Variants in LPP observed in about 807,000 individuals in gnomAD.
LPP encodes the protein LIM domain containing preferred translocation partner in lipoma.
A neutral mutation model predicts 60.4 loss-of-function variants in LPP; 38 were observed. The ratio of observed to expected loss-of-function variants is 0.63; its 90% CI spans 0.49 to 0.83. The LOEUF (loss-of-function observed/expected upper bound fraction) is 0.83. LPP is among the 40% of genes least tolerant of loss of function. The pLI, the probability that LPP is intolerant of heterozygous loss-of-function variation, is 0.00. For synonymous variants in LPP, 328 were observed against 290.8 expected (o/e 1.13, Z -1.30); for missense variants, 902 against 783.6 (o/e 1.15, Z -1.80).
At chr3:188,650,936 C>T (rs1276992447) in intron 7 of LPP, among the ~76,000 whole-genome samples, 1 of 152,148 alleles carries the variant, frequency 6.6e-6, no homozygotes, top group Non-Finnish European at 1.5e-5. Flanking sequence ...GACCCACAAA[C>T]TTTGCAATAT....
intron 4 of LPP, among the ~76,000 whole-genome samples, chr3:188,475,904 A>AAAAC (rs1017816372): frequency 3.3e-5 from 5 of 152,212 alleles, no homozygotes; most frequent in African/African-American, 1.2e-4. Flanking sequence ...CTCTGTCTCA[A>AAAAC]AAACAAACAA....
chr3:188,252,031 GAT>G (rs10579787), intron 2 of LPP, among the ~76,000 whole-genome samples: 3,835 of 40,618 alleles, frequency 0.094, 163 homozygotes, highest in East Asian at 0.13. Flanking sequence ...TTTTAATCCT[GAT>G]ATATATATAT....
intron 6 of LPP, among the ~76,000 whole-genome samples, chr3:188,590,023 G>T (rs951025658): frequency 2.0e-5 from 3 of 152,116 alleles, no homozygotes; most frequent in African/African-American, 7.2e-5. Context: ...GCACTCTTTC[G>T]TATACTTAAG....
intron 9 of LPP, among the ~76,000 whole-genome samples, chr3:188,790,144 G>A (rs982606028): frequency 2.0e-5 from 3 of 152,090 alleles, no homozygotes; most frequent in African/African-American, 7.2e-5. Context: ...AAAAGGACTA[G>A]TAAAATAAAG....
At chr3:188,568,893 G>C (rs900910828) in intron 6 of LPP, 1 of 152,094 alleles carries the variant, frequency 6.6e-6, no homozygotes, top group African/African-American at 2.4e-5. Flanking sequence ...GGCCTGAAGG[G>C]TGGAGAGGGG....
intron 1 of LPP, chr3:188,179,383 G>C (rs977055226): frequency 7.2e-5 from 33 of 457,778 alleles, no homozygotes; most frequent in Non-Finnish European, 1.3e-4. Flanking sequence ...TTCATTTCCC[G>C]CCTTGTTCCC....
chr3:188,623,947 C>T (rs1215769894), intron 7 of LPP, among the ~76,000 whole-genome samples: 2 of 152,106 alleles, frequency 1.3e-5, no homozygotes, highest in Non-Finnish European at 2.9e-5. Flanking sequence ...AATCAACCGG[C>T]AAGGCGAGGG....
chr3:188,447,231 G>A (rs536344425), intron 4 of LPP, among the ~76,000 whole-genome samples: 7 of 152,318 alleles, frequency 4.6e-5, no homozygotes, highest in African/African-American at 1.7e-4. Flanking sequence ...CTGCACATCA[G>A]TAGTTTATAG....
intron 6 of LPP, among the ~76,000 whole-genome samples, chr3:188,575,738 T>A (rs777240928): frequency 6.6e-6 from 1 of 152,134 alleles, no homozygotes; most frequent in Non-Finnish European, 1.5e-5. Context: ...GCACCACCGC[T>A]TTTTTTAAAT....
chr3:188,283,985 T>A (rs1743053055), intron 2 of LPP, among the ~76,000 whole-genome samples: 1 of 150,570 alleles, frequency 6.6e-6, no homozygotes, highest in Non-Finnish European at 1.5e-5. Context: ...TCAAAAAAAA[T>A]AATAAAAATA....
intron 7 of LPP, among the ~76,000 whole-genome samples, chr3:188,628,959 A>G (rs554256629): frequency 2.0e-5 from 3 of 152,306 alleles, no homozygotes; most frequent in African/African-American, 7.2e-5. Context: ...CCATACACAA[A>G]TCAATGAATG....
chr3:188,767,870 T>C (rs1008310262), intron 9 of LPP, among the ~76,000 whole-genome samples: 2 of 151,878 alleles, frequency 1.3e-5, no homozygotes, highest in African/African-American at 4.8e-5. Flanking sequence ...GACAAGAAAA[T>C]CAACCTTAAA....
At chr3:188,309,137 T>C (rs1313836695) in intron 2 of LPP, among the ~76,000 whole-genome samples, 1 of 151,406 alleles carries the variant, frequency 6.6e-6, no homozygotes, top group Admixed American at 6.6e-5. Flanking sequence ...TCTCCTGCCT[T>C]AGCCTCCTCA....
At chr3:188,404,846 TC>T (rs1287988816) in intron 3 of LPP, among the ~76,000 whole-genome samples, 1 of 152,146 alleles carries the variant, frequency 6.6e-6, no homozygotes, top group Non-Finnish European at 1.5e-5. Flanking sequence ...CTTCCGGGCG[TC>T]CCTGTGCTGG....
At chr3:188,753,032 T>G (rs1408168226) in intron 8 of LPP, among the ~76,000 whole-genome samples, 1 of 152,178 alleles carries the variant, frequency 6.6e-6, no homozygotes, top group African/African-American at 2.4e-5. Context: ...TCCTAAACAA[T>G]ACTGATATAG....
intron 9 of LPP, among the ~76,000 whole-genome samples, chr3:188,839,669 TCGAGA>T: frequency 6.6e-6 from 1 of 151,882 alleles, no homozygotes; most frequent in East Asian, 1.9e-4. Flanking sequence ...AGTCAGGAGA[TCGAGA>T]CCATCCTGGC....
chr3:188,326,223 C>T (rs1185014911), intron 2 of LPP, among the ~76,000 whole-genome samples: 1 of 152,122 alleles, frequency 6.6e-6, no homozygotes, highest in Admixed American at 6.6e-5. Context: ...GTTCTTTGTG[C>T]GCACGCTGGT....
At chr3:188,719,390 A>T (rs764229183) in intron 8 of LPP, among the ~76,000 whole-genome samples, 4 of 152,204 alleles carry the variant, frequency 2.6e-5, no homozygotes, top group Non-Finnish European at 5.9e-5. Flanking sequence ...CCTCTTCAAG[A>T]CTGTGAACCA....
intron 2 of LPP, among the ~76,000 whole-genome samples, chr3:188,332,744 A>G (rs1056292336): frequency 1.3e-5 from 2 of 152,204 alleles, no homozygotes; most frequent in African/African-American, 2.4e-5. Context: ...ACATTTTTGC[A>G]TTAAGAAGCT....
Sources: allele counts gnomAD v4.1 joint callset (sites outside exome capture counted in the v4.1 genomes callset), GRCh38; gene constraint gnomAD v4.1.1; transcripts MANE v1.5; gene names NCBI Gene and HGNC (gene_info 2026-07-23, HGNC 2026-07-21).